The following EBF3 variants were observed in gnomAD, a reference collection of about 807,000 sequenced individuals.
The protein encoded by EBF3 is transcription factor COE3.
EBF3 carries 18 observed loss-of-function variants against 77.1 expected under a neutral mutation model. The ratio of observed to expected loss-of-function variants is 0.23; its 90% CI spans 0.16 to 0.35. EBF3 has a LOEUF of 0.35. Among genes scored for constraint, EBF3 ranks in the 10% least tolerant of loss-of-function variants. The pLI, the probability that EBF3 is intolerant of heterozygous loss-of-function variation, is 1.00. For synonymous variants in EBF3, 350 were observed against 343.5 expected, an observed-to-expected ratio of 1.02 and a Z score of -0.21; for missense variants, 558 against 860.0, an observed-to-expected ratio of 0.65 and a Z score of 4.39.
chr10:129,860,603 C>A (rs1851553436), intron 10 of EBF3, among the ~76,000 whole-genome samples: 2 of 152,274 alleles, frequency 1.3e-5, no homozygotes, highest in Non-Finnish European at 2.9e-5. Context: ...TGGAAAACGA[C>A]CAAAGCCCCC....
chr10:129,849,661 A>C (rs1188515934), intron 10 of EBF3, among the ~76,000 whole-genome samples: 1 of 152,230 alleles, frequency 6.6e-6, no homozygotes, highest in African/African-American at 2.4e-5. Context: ...AATGCGCCCG[A>C]AAGTTGAGGA....
At position 129,885,579 on chromosome 10, in the gene EBF3, CT is replaced by C. The variant is rs578163271; in HGVS notation, c.555-7731del. On this transcript the variant is annotated intron_variant, in intron 6 of 16. Coordinates refer to ENST00000440978, the MANE Select transcript of EBF3 (RefSeq NM_001375380.1). The surrounding 1 kb of genome is among the most constrained non-coding windows in gnomAD (Gnocchi z 4.0). ...GTTCTTGTTTCAAGTGCCTATCTTT[CT>C]TTCCCCCCTTTACCTATTTCTCTAT... Among the ~76,000 whole-genome samples, 232 of 152,302 alleles carry C rather than the reference CT, an allele frequency of 1.5e-3. 1 individual carries two copies. Among genetic ancestry groups the C allele is most frequent in the African/African-American group, 5.3e-3 (221 of 41,572 alleles).
chr10:129,872,946 C>T (rs929035775), intron 8 of EBF3, among the ~76,000 whole-genome samples: 4 of 151,678 alleles, frequency 2.6e-5, no homozygotes, highest in Non-Finnish European at 5.9e-5. Flanking sequence ...AAAAAAAAAA[C>T]GTATGCTGGT....
chr10:129,856,769 CA>C (rs1851280984), intron 10 of EBF3, among the ~76,000 whole-genome samples: 1 of 152,208 alleles, frequency 6.6e-6, no homozygotes, highest in Admixed American at 6.5e-5. Flanking sequence ...GATGGTTGCA[CA>C]AACTTTGTGA....
chr10:129,895,414 G>T (rs1471145560), intron 6 of EBF3, among the ~76,000 whole-genome samples: 1 of 152,238 alleles, frequency 6.6e-6, no homozygotes, highest in Non-Finnish European at 1.5e-5. Flanking sequence ...CCAAGAGCGG[G>T]CTCTGGACAC....
chr10:129,954,994 T>C (rs896505439), intron 6 of EBF3, among the ~76,000 whole-genome samples: 2 of 152,146 alleles, frequency 1.3e-5, no homozygotes, highest in African/African-American at 2.4e-5. Context: ...TCTAAAGAGA[T>C]TGCCCTCCTA....
chr10:129,909,999 G>A (rs937239326), intron 6 of EBF3, among the ~76,000 whole-genome samples: 1 of 152,222 alleles, frequency 6.6e-6, no homozygotes, highest in African/African-American at 2.4e-5. Flanking sequence ...TCTGCTCAGC[G>A]CCGATGACAG....
At chr10:129,914,738 G>C (rs572291465) in intron 6 of EBF3, among the ~76,000 whole-genome samples, 2 of 152,298 alleles carry the variant, frequency 1.3e-5, no homozygotes, top group African/African-American at 4.8e-5. Flanking sequence ...CTGCATGGGA[G>C]ACCCTGGGAG....
At chr10:129,854,789 T>C (rs1851131647) in intron 10 of EBF3, among the ~76,000 whole-genome samples, 1 of 152,254 alleles carries the variant, frequency 6.6e-6, no homozygotes, top group South Asian at 2.1e-4. Flanking sequence ...AATTTGGCAA[T>C]GAATTTCAAT....
At chr10:129,927,566 G>A (rs1437234642) in intron 6 of EBF3, among the ~76,000 whole-genome samples, 2 of 152,164 alleles carry the variant, frequency 1.3e-5, no homozygotes, top group Non-Finnish European at 1.5e-5. Flanking sequence ...CCCTGGCAAC[G>A]ACGGGGAGCT....
intron 6 of EBF3, among the ~76,000 whole-genome samples, chr10:129,927,738 G>A: frequency 6.6e-6 from 1 of 152,208 alleles, no homozygotes; most frequent in East Asian, 1.9e-4. Context: ...CCTGAGGACA[G>A]TTGGGTCCCT....
chr10:129,866,805 C>G (rs1852047203), intron 10 of EBF3, among the ~76,000 whole-genome samples: 1 of 152,190 alleles, frequency 6.6e-6, no homozygotes, highest in Non-Finnish European at 1.5e-5. Flanking sequence ...CACATGGAGC[C>G]AGGCATGTGG....
chr10:129,915,545 C>T (rs760933185), intron 6 of EBF3, among the ~76,000 whole-genome samples: 13 of 151,946 alleles, frequency 8.6e-5, no homozygotes, highest in Non-Finnish European at 1.9e-4. Flanking sequence ...AGTCGGGGAG[C>T]CCATTCTTGC....
intron 6 of EBF3, among the ~76,000 whole-genome samples, chr10:129,912,336 C>T (rs1855584101): frequency 6.6e-6 from 1 of 152,152 alleles, no homozygotes; most frequent in African/African-American, 2.4e-5. Flanking sequence ...CTTTTTAAGG[C>T]CTTAATGCAA....
chr10:129,937,984 CA>C (rs1431174079), intron 6 of EBF3, among the ~76,000 whole-genome samples: 1 of 152,182 alleles, frequency 6.6e-6, no homozygotes, highest in Non-Finnish European at 1.5e-5. Flanking sequence ...TACACTTTCA[CA>C]AAATGCATTA....
intron 6 of EBF3, among the ~76,000 whole-genome samples, chr10:129,878,715 A>C (rs971718543): frequency 7.1e-6 from 1 of 141,342 alleles, no homozygotes; most frequent in African/African-American, 2.6e-5. Flanking sequence ...TTAAAAAGCA[A>C]TTGGGGGGTG....
At chr10:129,959,359 A>C (rs1019962921) in intron 4 of EBF3, among the ~76,000 whole-genome samples, 2 of 151,672 alleles carry the variant, frequency 1.3e-5, no homozygotes, top group African/African-American at 4.8e-5. Context: ...CCGACCCCGG[A>C]ACCCGGGGCT....
intron 8 of EBF3, among the ~76,000 whole-genome samples, chr10:129,868,775 C>T (rs966635203): frequency 6.6e-6 from 1 of 152,244 alleles, no homozygotes; most frequent in African/African-American, 2.4e-5. Context: ...TGGTGGAGGC[C>T]GGCTTTGATC....
chr10:129,939,911 G>A (rs1452792035), intron 6 of EBF3, among the ~76,000 whole-genome samples: 1 of 152,254 alleles, frequency 6.6e-6, no homozygotes. Context: ...GCTAAGACCT[G>A]TGAGAGCCTC....
Sources: allele counts gnomAD v4.1 joint callset (sites outside exome capture counted in the v4.1 genomes callset), GRCh38; gene constraint gnomAD v4.1.1; non-coding constraint Gnocchi (gnomAD v3.1); transcripts MANE v1.5; gene names NCBI Gene and HGNC (gene_info 2026-07-23, HGNC 2026-07-21).